Variants in PPP1R12B observed in about 807,000 individuals in gnomAD.
PPP1R12B encodes the protein protein phosphatase 1 regulatory subunit 12B.
PPP1R12B carries 76 observed loss-of-function variants against 126.1 expected under a neutral mutation model. The observed-to-expected ratio is 0.60, with a 90% CI of 0.50 to 0.73. The LOEUF is 0.73. PPP1R12B is among the 30% of genes least tolerant of loss of function. PPP1R12B has a pLI of 0.00. For missense variants in PPP1R12B, 1,052 were observed against 1,205.1 expected, an observed-to-expected ratio of 0.87 and a Z score of 1.88; for synonymous variants, 356 against 434.7, an observed-to-expected ratio of 0.82 and a Z score of 2.25.
intron 13 of PPP1R12B, among the ~76,000 whole-genome samples, chr1:202,470,905 C>CA (rs762680749): frequency 0.015 from 1,407 of 92,778 alleles, 11 homozygotes; most frequent in African/African-American, 0.031. Context: ...GACCTCATCT[C>CA]AAAAAAAAAA....
chr1:202,464,159 TG>T lies in PPP1R12B; in HGVS notation c.1850+14989del, dbSNP rs573360109. On this transcript the variant is annotated intron_variant, in intron 13 of 23. Transcript: ENST00000608999. The stretch of plus-strand genomic sequence containing the variant: ...TATTCTGTCTTCAGTGTTCTTTTTT[TG>T]TAACACTGTCTTAGGATTGGTTTAC... Among the ~76,000 whole-genome samples, 8 of 152,330 alleles carry T rather than the reference TG, an allele frequency of 5.3e-5. No individual in the cohort carries two copies. In the South Asian group the frequency reaches 1.0e-3, roughly 20 times the overall value.
At chr1:202,575,255 T>A in intron 23 of PPP1R12B, 1 of 1,374,506 alleles carries the variant, frequency 7.3e-7, no homozygotes, top group Non-Finnish European at 9.7e-7. Context: ...ATATGCAGGT[T>A]CCTGCAAAGC....
chr1:202,575,779 A>C (rs903626231), intron 23 of PPP1R12B: 2 of 152,154 alleles, frequency 1.3e-5, no homozygotes, highest in Admixed American at 6.5e-5. Context: ...TATTTTTTCA[A>C]ACCTCTCCTA....
At chr1:202,507,390 A>T (rs1003481226) in intron 18 of PPP1R12B, among the ~76,000 whole-genome samples, 16 of 152,198 alleles carry the variant, frequency 1.1e-4, no homozygotes, top group African/African-American at 3.4e-4. Context: ...TGTTATTTTT[A>T]AAATGATTTT....
At chr1:202,418,395 A>G (rs1430951270) in intron 2 of PPP1R12B, among the ~76,000 whole-genome samples, 1 of 152,030 alleles carries the variant, frequency 6.6e-6, no homozygotes, top group Non-Finnish European at 1.5e-5. Flanking sequence ...AGGAGAGCTC[A>G]TGCTTAGAAT....
intron 18 of PPP1R12B, among the ~76,000 whole-genome samples, chr1:202,525,650 G>A (rs1438547904): frequency 1.5e-4 from 23 of 150,912 alleles, no homozygotes; most frequent in Admixed American, 1.5e-3. Flanking sequence ...CAGGAAGGGG[G>A]GTTAGCAAGG....
At chr1:202,376,418 A>G (rs2148469662) in intron 1 of PPP1R12B, among the ~76,000 whole-genome samples, 1 of 152,352 alleles carries the variant, frequency 6.6e-6, no homozygotes, top group South Asian at 2.1e-4. Context: ...ACTGTTAGGA[A>G]TAAGTGCCTT....
At chr1:202,349,517 C>T (rs1014356879) in intron 1 of PPP1R12B, among the ~76,000 whole-genome samples, 1 of 152,086 alleles carries the variant, frequency 6.6e-6, no homozygotes, top group Admixed American at 6.6e-5. Flanking sequence ...TGTTTGATGC[C>T]CTTTCAGAAA....
chr1:202,354,001 G>T (rs1046851484), intron 1 of PPP1R12B, among the ~76,000 whole-genome samples: 1 of 152,066 alleles, frequency 6.6e-6, no homozygotes, highest in Non-Finnish European at 1.5e-5. Context: ...TTTGAAATAG[G>T]CAACCTGTCA....
Position 202,479,992 on chromosome 1 carries a change from G to A in PPP1R12B, c.1851-8541G>A, listed in dbSNP as rs188995026. On this transcript the variant is annotated intron_variant, in intron 13 of 23. Transcript: ENST00000608999. ...CTCACTACATTTTTTTATTAAATAT[G>A]CCTGATGTTATTTTAAAAATTAGCA... is the stretch of plus-strand genomic sequence containing the variant. Among the ~76,000 whole-genome samples the A allele has an allele frequency of 2.3e-3, 345 of 152,290 alleles. 1 individual carries two copies. Among genetic ancestry groups the A allele is most frequent in the African/African-American group, 8.0e-3 (333 of 41,544 alleles).
intron 18 of PPP1R12B, among the ~76,000 whole-genome samples, chr1:202,519,848 C>T (rs1682585545): frequency 6.6e-6 from 1 of 152,082 alleles, no homozygotes; most frequent in Non-Finnish European, 1.5e-5. Flanking sequence ...TAGAAAAGAA[C>T]TCTTACCATT....
chr1:202,535,055 A>ATGTGTG (rs145949486), intron 18 of PPP1R12B, among the ~76,000 whole-genome samples: 6 of 146,164 alleles, frequency 4.1e-5, no homozygotes, highest in East Asian at 4.0e-4. Flanking sequence ...GTGTGTGTGT[A>ATGTGTG]TGTGTGTGTG....
intron 1 of PPP1R12B, among the ~76,000 whole-genome samples, chr1:202,360,252 T>C (rs1657919327): frequency 6.6e-6 from 1 of 152,186 alleles, no homozygotes; most frequent in South Asian, 2.1e-4. Context: ...GTTATCTCTC[T>C]TTGTGATTTA....
At chr1:202,433,704 T>C (rs565957679) in intron 8 of PPP1R12B, among the ~76,000 whole-genome samples, 95 of 152,342 alleles carry the variant, frequency 6.2e-4, no homozygotes, top group African/African-American at 2.1e-3. Context: ...TGTAGAAAAC[T>C]ATAGGATCTA....
intron 3 of PPP1R12B, among the ~76,000 whole-genome samples, chr1:202,423,128 G>T (rs1012476198): frequency 4.6e-5 from 7 of 152,162 alleles, no homozygotes; most frequent in African/African-American, 1.2e-4. Context: ...GCTAAAAGTG[G>T]TGCTGATAAA....
intron 18 of PPP1R12B, among the ~76,000 whole-genome samples, chr1:202,542,087 G>A (rs1261020207): frequency 6.6e-6 from 1 of 152,156 alleles, no homozygotes; most frequent in East Asian, 1.9e-4. Flanking sequence ...TAATGTCAGA[G>A]AAAGATATGC....
chr1:202,582,236 C>T lies in PPP1R12B; in HGVS notation c.*1676C>T, dbSNP rs188692015. On this transcript the variant is annotated 3_prime_UTR_variant, in exon 24 of 24. Transcript: ENST00000608999. ...TCCTCATATGGCATGCTTTTCTTAC[C>T]TGTCACATCTTGGCCATCCTCCTCT... is the stretch of plus-strand genomic sequence containing the variant. 1 of 152,396 alleles carries T rather than the reference C, an allele frequency of 6.6e-6. No homozygotes were observed. The highest frequency in any genetic ancestry group is 1.9e-4 in the East Asian group (1 of 5,190). 9.4% of individuals were successfully genotyped at this position (152,396 alleles called of 1,614,324 possible). A position where few individuals can be genotyped will look rare whatever the true frequency, so the allele number is the denominator to read the frequency against.
intron 18 of PPP1R12B, among the ~76,000 whole-genome samples, chr1:202,506,537 G>A (rs1234416717): frequency 6.6e-6 from 1 of 152,120 alleles, no homozygotes; most frequent in Non-Finnish European, 1.5e-5. Flanking sequence ...GATCTTTGAG[G>A]TATCTGTTTG....
intron 5 of PPP1R12B, 81 bp downstream of exon 5, chr1:202,427,265 A>G (rs2148651965): frequency 1.3e-6 from 2 of 1,572,170 alleles, no homozygotes; most frequent in East Asian, 4.5e-5. Context: ...TCTCTTTTCA[A>G]TGGCAGTCTG....
Sources: allele counts gnomAD v4.1 joint callset (sites outside exome capture counted in the v4.1 genomes callset), GRCh38; gene constraint gnomAD v4.1.1; transcripts MANE v1.5; gene names NCBI Gene and HGNC (gene_info 2026-07-23, HGNC 2026-07-21).